The following SH3TC2 variants were observed in gnomAD, a reference collection of about 807,000 sequenced individuals.
The protein encoded by SH3TC2 is SH3 domain and tetratricopeptide repeats 2, also known as SH3 domain and tetratricopeptide repeat-containing protein 2.
SH3TC2 carries 87 observed loss-of-function variants against 124.5 expected under a neutral mutation model. That is an observed-to-expected ratio of 0.70 (90% CI 0.59 to 0.84). The LOEUF (loss-of-function observed/expected upper bound fraction) is 0.84, where lower values mean the gene tolerates loss of function less well. Among genes scored for constraint, SH3TC2 ranks in the 40% least tolerant of loss-of-function variants. The pLI is 0.00. For missense variants in SH3TC2, 1,536 were observed against 1,566.4 expected (o/e 0.98, Z 0.33); for synonymous variants, 634 against 628.5 (o/e 1.01, Z -0.13).
intron 2 of SH3TC2, among the ~76,000 whole-genome samples, chr5:149,051,597 A>T (rs933072327): frequency 6.6e-6 from 1 of 152,102 alleles, no homozygotes. Context: ...GACTGCAAGC[A>T]TATGCCACTG....
chr5:149,020,306 A>G (rs1307501460), intron 12 of SH3TC2, among the ~76,000 whole-genome samples: 1 of 152,234 alleles, frequency 6.6e-6, no homozygotes. Context: ...CAGGGTAACC[A>G]TTAAGAAAAT....
At chr5:149,029,017 G>T (rs925839730) in intron 9 of SH3TC2, among the ~76,000 whole-genome samples, 5 of 137,580 alleles carry the variant, frequency 3.6e-5, no homozygotes, top group Admixed American at 2.9e-4. Context: ...GGTACTGTAG[G>T]GGGGTGGGGG....
At chr5:149,037,774 A>T (rs1005930052) in intron 8 of SH3TC2, among the ~76,000 whole-genome samples, 25 of 152,328 alleles carry the variant, frequency 1.6e-4, no homozygotes, top group African/African-American at 5.5e-4. Flanking sequence ...TCTGCTCCTC[A>T]GAACCAGCCT....
intron 13 of SH3TC2, 51 bp downstream of exon 13, chr5:149,012,533 C>T: frequency 6.2e-7 from 1 of 1,611,552 alleles, no homozygotes; most frequent in Non-Finnish European, 8.5e-7. Context: ...ACAGCTGCCT[C>T]CCCAAATGAT....
intron 12 of SH3TC2, among the ~76,000 whole-genome samples, chr5:149,023,991 G>T (rs1480079167): frequency 6.6e-6 from 1 of 152,148 alleles, no homozygotes; most frequent in African/African-American, 2.4e-5. Flanking sequence ...CTTAAGAAAA[G>T]ATGCACTGTG....
At chr5:149,004,971 T>C in intron 16 of SH3TC2, 69 bp from the exon 17 acceptor site, 1 of 1,569,012 alleles carries the variant, frequency 6.4e-7, no homozygotes, top group Non-Finnish European at 8.8e-7. Context: ...GCTAGGAGGC[T>C]GTGCTGGCCA....
At chr5:149,041,724 T>C in intron 5 of SH3TC2, 107 bp from the exon 6 acceptor site, 1 of 1,258,870 alleles carries the variant, frequency 7.9e-7, no homozygotes, top group Admixed American at 1.9e-5. Context: ...CTTTTCTTCC[T>C]GGAAGTAAAG....
chr5:149,025,973 AT>A (rs1412429286), intron 12 of SH3TC2: 1 of 153,714 alleles, frequency 6.5e-6, no homozygotes, highest in African/African-American at 2.4e-5. Flanking sequence ...TAATCTAAAT[AT>A]TCTTAACTAA....
intron 12 of SH3TC2, among the ~76,000 whole-genome samples, chr5:149,024,529 A>G (rs1407545338): frequency 1.3e-5 from 2 of 152,260 alleles, no homozygotes; most frequent in Non-Finnish European, 2.9e-5. Context: ...AGAATAGCAT[A>G]GCTAGCTGGT....
chr5:148,997,187 G>T lies in SH3TC2; in HGVS notation c.*7524C>A, dbSNP rs986630810. ...TTCTGCTACCACCATTGGAGCTACG[G>T]GTACTATGATGGGTGAGACCCACGA... On this transcript the variant is annotated 3_prime_UTR_variant, in exon 17 of 17. Coordinates refer to ENST00000515425, the MANE Select transcript of SH3TC2 (RefSeq NM_024577.4). Among the ~76,000 whole-genome samples the T allele has an allele frequency of 1.3e-5, 2 of 152,108 alleles. No individual in the cohort carries two copies. The highest frequency in any genetic ancestry group is 4.8e-5 in the African/African-American group (2 of 41,408).
chr5:149,062,843 C>A, intron 1 of SH3TC2, 128 bp downstream of exon 1: 2 of 878,352 alleles, frequency 2.3e-6, no homozygotes, highest in South Asian at 1.4e-5. Context: ...GAAGGAGAGG[C>A]AGCCAGAAAG....
In SH3TC2 at chr5:149,003,661, A is replaced by G. The variant is rs1753632549; in HGVS notation, c.*1050T>C. The G allele has an allele frequency of 2.8e-6, 1 of 351,984 alleles. No homozygotes were observed. The highest frequency in any genetic ancestry group is 5.7e-6 in the Non-Finnish European group (1 of 175,924). 21.8% of individuals were successfully genotyped at this position (351,984 alleles called of 1,614,324 possible). On this transcript the variant is annotated 3_prime_UTR_variant, in exon 17 of 17. Transcript: ENST00000515425. ...TGCTATGCAGTGATGTTATTAATAGAGATGCTTTGTAAAGCAGCTGCCCTG... is the reference window on the plus strand; with the variant it reads ...TGCTATGCAGTGATGTTATTAATAGGGATGCTTTGTAAAGCAGCTGCCCTG...
chr5:148,998,937 G>C lies in SH3TC2; in HGVS notation c.*5774C>G, dbSNP rs1444298691. Among the ~76,000 whole-genome samples, 2 of 152,066 alleles carry C rather than the reference G, an allele frequency of 1.3e-5. No homozygotes were observed. The highest frequency in any genetic ancestry group is 2.4e-5 in the African/African-American group (1 of 41,414). On this transcript the variant is annotated 3_prime_UTR_variant, in exon 17 of 17. Coordinates refer to ENST00000515425, the MANE Select transcript of SH3TC2 (RefSeq NM_024577.4). Reference sequence around the variant, plus strand: ...GCCAAGTGAGAGGCCCAGTAGCAAAGAGCACCCCTAACATACACACCCTCC... The same window carrying C: ...GCCAAGTGAGAGGCCCAGTAGCAAACAGCACCCCTAACATACACACCCTCC...
At position 149,028,350 on chromosome 5, in the gene SH3TC2, T is replaced by G; in HGVS notation, c.1382A>C (p.Glu461Ala). ...ELLMDLSTGQ[E>A]EEAENFAPIL... The stretch of plus-strand genomic sequence containing the variant: ...GGGGGCGAAGTTCTCAGCCTCCTCC[T>G]CCTGACCAGTGCTTAGGTCCATGAG... Residue 461 changes from glutamate (E) to alanine (A), a missense_variant, in exon 11 of 17, where the codon GAG (glutamate) becomes GCG (alanine). Around this residue, in one of 3 missense-constraint regions of SH3TC2, gnomAD observed 1,102 missense variants for 1,098.6 expected, o/e 1.00. Transcript: ENST00000515425. 1 of 1,614,146 alleles carries G rather than the reference T, an allele frequency of 6.2e-7. No homozygotes were observed. The highest frequency in any genetic ancestry group is 8.5e-7 in the Non-Finnish European group (1 of 1,180,010).
chr5:149,058,929 G>T (rs902933932), intron 1 of SH3TC2, among the ~76,000 whole-genome samples: 1 of 152,106 alleles, frequency 6.6e-6, no homozygotes, highest in Non-Finnish European at 1.5e-5. Context: ...AGCACAATAG[G>T]CAGAGAGACC....
chr5:149,041,631 G>A lies in SH3TC2; in HGVS notation c.530-14C>T. On this transcript the variant is annotated splice_polypyrimidine_tract_variant and intron_variant, in intron 5 of 16. Transcript: ENST00000515425. ...AGAAGAAGTGGCCTGTGGATAATGA[G>A]AAAAGCAATGGCTTTCTAAGGAGTA... 4 of 1,613,846 alleles carry A rather than the reference G, an allele frequency of 2.5e-6. No homozygotes were observed. Among genetic ancestry groups the A allele is most frequent in the Non-Finnish European group, 3.4e-6 (4 of 1,179,808 alleles).
intron 4 of SH3TC2, among the ~76,000 whole-genome samples, 195 bp from the exon 5 acceptor site, chr5:149,043,032 A>C (rs407696): frequency 1.3e-5 from 2 of 152,032 alleles, no homozygotes; most frequent in African/African-American, 4.8e-5. Flanking sequence ...CTCAACATCT[A>C]TTGGGAAATA....
At position 149,044,524 on chromosome 5, in the gene SH3TC2, G is replaced by T. The variant is rs1561770736; in HGVS notation, c.385+9C>A. ...AGGTCATCCTCCACCTGCTTGCCTTGTACCATACCTAAATTAAGGTAGGTG... is the reference window on the plus strand; with the variant it reads ...AGGTCATCCTCCACCTGCTTGCCTTTTACCATACCTAAATTAAGGTAGGTG... On this transcript the variant is annotated intron_variant, in intron 4 of 16. Coordinates refer to ENST00000515425, the MANE Select transcript of SH3TC2 (RefSeq NM_024577.4). The T allele has an allele frequency of 2.5e-6, 4 of 1,608,954 alleles. No individual in the cohort carries two copies. The highest frequency in any genetic ancestry group is 2.6e-6 in the Non-Finnish European group (3 of 1,175,452).
chr5:149,048,661 G>A (rs988285601), intron 2 of SH3TC2, among the ~76,000 whole-genome samples: 3 of 152,164 alleles, frequency 2.0e-5, no homozygotes, highest in African/African-American at 7.2e-5. Flanking sequence ...AACAAAACAG[G>A]CAGTCCCTGT....
Sources: allele counts gnomAD v4.1 joint callset (sites outside exome capture counted in the v4.1 genomes callset), GRCh38; gene constraint gnomAD v4.1.1; regional missense constraint gnomAD v4.1.1; transcripts MANE v1.5; gene names NCBI Gene and HGNC (gene_info 2026-07-23, HGNC 2026-07-21).